Variants in PRUNE2 observed in about 807,000 individuals in gnomAD.
PRUNE2 encodes protein prune homolog 2.
In PRUNE2, 164 loss-of-function variants were observed where a neutral mutation model predicts 252.0. The observed-to-expected ratio is 0.65, with a 90% CI of 0.57 to 0.74. PRUNE2 has a LOEUF of 0.74. PRUNE2 is among the 30% of genes least tolerant of loss of function. The probability of loss-of-function intolerance (pLI) is 0.00; values close to 1 mark genes in which losing one functional copy is unlikely to be tolerated. For synonymous variants in PRUNE2, 1,292 were observed against 1,350.2 expected (o/e 0.96, Z 0.94); for missense variants, 3,495 against 3,711.0 (o/e 0.94, Z 1.51).
At chr9:76,733,556 G>A (rs576362140) in intron 6 of PRUNE2, 2 of 151,440 alleles carry the variant, frequency 1.3e-5, no homozygotes, top group Admixed American at 6.6e-5. Flanking sequence ...CTACAGGCAC[G>A]CCTGGCTAAT....
At chr9:76,722,582 T>C (rs536704982) in intron 6 of PRUNE2, among the ~76,000 whole-genome samples, 35 of 152,346 alleles carry the variant, frequency 2.3e-4, no homozygotes, top group African/African-American at 8.2e-4. Context: ...ATGTAACACA[T>C]ATAAATGCCA....
chr9:76,829,706 G>A (rs1002655435), intron 4 of PRUNE2, among the ~76,000 whole-genome samples: 9 of 151,572 alleles, frequency 5.9e-5, no homozygotes, highest in East Asian at 1.9e-4. Context: ...CCTGAGGACC[G>A]AAATCCTGAT....
chr9:76,873,456 C>T (rs919696442), intron 1 of PRUNE2, among the ~76,000 whole-genome samples: 2 of 152,184 alleles, frequency 1.3e-5, no homozygotes, highest in Non-Finnish European at 2.9e-5. Context: ...TCCAAAAATA[C>T]AGCTGGTCCC....
At chr9:76,718,268 T>G (rs2047333093) in intron 6 of PRUNE2, among the ~76,000 whole-genome samples, 1 of 152,178 alleles carries the variant, frequency 6.6e-6, no homozygotes, top group Non-Finnish European at 1.5e-5. Context: ...GAAACAAAAG[T>G]GATGTAAAGA....
chr9:76,651,425 A>G (rs1847345025), intron 11 of PRUNE2, among the ~76,000 whole-genome samples: 1 of 152,218 alleles, frequency 6.6e-6, no homozygotes, highest in Non-Finnish European at 1.5e-5. Flanking sequence ...TAGAATTAGC[A>G]TGTCTCTAAA....
rs1304711634 is a variant in PRUNE2, at chr9:76,761,791, C to T, written c.757-48070G>A. Among the ~76,000 whole-genome samples, 7 of 152,288 alleles carry T rather than the reference C, an allele frequency of 4.6e-5. No individual in the cohort carries two copies. The East Asian group carries it at 1.2e-3, about 25-fold the overall frequency. On this transcript the variant is annotated intron_variant, in intron 6 of 18. Transcript: ENST00000376718. ...CAAAGTTTATCAAAAGACCCATAAACTCCAAATAGCACTCTGTCAATCTAT... is the reference window on the plus strand; with the variant it reads ...CAAAGTTTATCAAAAGACCCATAAATTCCAAATAGCACTCTGTCAATCTAT...
At chr9:76,668,809 C>A (rs682119) in intron 9 of PRUNE2, among the ~76,000 whole-genome samples, 102,370 of 150,710 alleles carry the variant, frequency 0.68, 35,853 homozygotes, top group Non-Finnish European at 0.76. Context: ...GAGGCATCGT[C>A]GTTTGGAGGG....
chr9:76,812,821 C>T (rs563123208), intron 6 of PRUNE2, among the ~76,000 whole-genome samples: 15 of 152,194 alleles, frequency 9.9e-5, no homozygotes, highest in East Asian at 1.9e-4. Flanking sequence ...AGTGCTGTGC[C>T]GGAGCTGACG....
intron 6 of PRUNE2, among the ~76,000 whole-genome samples, chr9:76,780,955 A>AGG (rs2054321512): frequency 6.6e-6 from 1 of 152,140 alleles, no homozygotes; most frequent in African/African-American, 2.4e-5. Context: ...GACATCCACC[A>AGG]AGTTTTTATG....
chr9:76,833,575 C>T (rs1026208688), intron 4 of PRUNE2, among the ~76,000 whole-genome samples: 1 of 151,728 alleles, frequency 6.6e-6, no homozygotes, highest in Non-Finnish European at 1.5e-5. Context: ...ACCATCCTGG[C>T]TAACACGGTG....
intron 9 of PRUNE2, among the ~76,000 whole-genome samples, chr9:76,664,865 A>G (rs990551983): frequency 5.3e-5 from 8 of 152,126 alleles, no homozygotes; most frequent in Non-Finnish European, 7.4e-5. Context: ...CATCCTAGTG[A>G]ATGTCTCTAC....
At chr9:76,663,347 G>T (rs1256041794) in intron 9 of PRUNE2, among the ~76,000 whole-genome samples, 1 of 152,214 alleles carries the variant, frequency 6.6e-6, no homozygotes, top group Non-Finnish European at 1.5e-5. Flanking sequence ...ATGAAGGAGG[G>T]AGGTGAGAGC....
intron 12 of PRUNE2, chr9:76,642,100 A>G (rs1048800929): frequency 1.3e-6 from 1 of 783,242 alleles, no homozygotes; most frequent in Non-Finnish European, 2.0e-6. Flanking sequence ...CTCAGCTCCA[A>G]GTTCAAAAAA....
At chr9:76,860,933 C>A (rs908189145) in intron 1 of PRUNE2, among the ~76,000 whole-genome samples, 1 of 152,126 alleles carries the variant, frequency 6.6e-6, no homozygotes, top group Non-Finnish European at 1.5e-5. Context: ...CAGGGTGATG[C>A]GGAAAGGGCC....
chr9:76,624,004 G>C (rs904702295), intron 17 of PRUNE2, among the ~76,000 whole-genome samples: 3 of 152,148 alleles, frequency 2.0e-5, no homozygotes. Context: ...TATTTCCAAA[G>C]TCATTAAGTA....
chr9:76,781,539 T>C (rs1424055122), intron 6 of PRUNE2, among the ~76,000 whole-genome samples: 3 of 152,224 alleles, frequency 2.0e-5, no homozygotes, highest in African/African-American at 4.8e-5. Context: ...ATTACTTTCT[T>C]TGGAGAACTT....
chr9:76,691,426 T>A (rs1257496406), intron 9 of PRUNE2, among the ~76,000 whole-genome samples: 1 of 152,240 alleles, frequency 6.6e-6, no homozygotes, highest in East Asian at 1.9e-4. Flanking sequence ...TTTTACTTTC[T>A]CACATAACTT....
At chr9:76,781,508 G>C (rs1564290115) in intron 6 of PRUNE2, among the ~76,000 whole-genome samples, 1 of 152,142 alleles carries the variant, frequency 6.6e-6, no homozygotes, top group African/African-American at 2.4e-5. Flanking sequence ...TATTGTATAT[G>C]CTTGGTTTAT....
intron 1 of PRUNE2, among the ~76,000 whole-genome samples, chr9:76,895,886 T>A (rs1457476392): frequency 6.6e-6 from 1 of 152,068 alleles, no homozygotes; most frequent in East Asian, 1.9e-4. Flanking sequence ...CGGGTTCAAG[T>A]GATTCTCCTG....
Sources: allele counts gnomAD v4.1 joint callset (sites outside exome capture counted in the v4.1 genomes callset), GRCh38; gene constraint gnomAD v4.1.1; transcripts MANE v1.5; gene names NCBI Gene and HGNC (gene_info 2026-07-23, HGNC 2026-07-21).